The following NCOR2 variants were observed in gnomAD, a reference collection of about 807,000 sequenced individuals.
NCOR2 encodes the protein CTG repeat protein 26.
Under a neutral mutation model 262.9 loss-of-function variants are expected in NCOR2, and 81 were observed. That is an observed-to-expected ratio of 0.31 (90% CI 0.26 to 0.37). The LOEUF (loss-of-function observed/expected upper bound fraction) is 0.37, where lower values mean the gene tolerates loss of function less well. Ranked by LOEUF, NCOR2 falls within the 10% of genes least tolerant of loss-of-function variation. NCOR2 has a pLI of 1.00. For missense variants in NCOR2, 3,385 were observed against 3,621.4 expected (o/e 0.93, Z 1.68); for synonymous variants, 1,659 against 1,559.3 (o/e 1.06, Z -1.51).
intron 31 of NCOR2, among the ~76,000 whole-genome samples, chr12:124,345,344 C>G (rs912202564): frequency 6.6e-6 from 1 of 152,098 alleles, no homozygotes; most frequent in Non-Finnish European, 1.5e-5. Flanking sequence ...CAATGCCAAG[C>G]AGAAAAAGTC....
chr12:124,443,761 A>G lies in NCOR2; in HGVS notation c.816-5765T>C, dbSNP rs1227997158. Reference sequence around the variant, plus strand: ...CATGATCTGCCTGCCTCAGCCTCCCAAAGTGCTGGGATTACAGGTGTGAGC... The same window carrying G: ...CATGATCTGCCTGCCTCAGCCTCCCGAAGTGCTGGGATTACAGGTGTGAGC... On this transcript the variant is annotated intron_variant, in intron 7 of 46. Transcript: ENST00000405201. The surrounding 1 kb of genome is among the most constrained non-coding windows in gnomAD (Gnocchi z 4.4). Among the ~76,000 whole-genome samples the G allele has an allele frequency of 6.6e-6, 1 of 152,158 alleles. No homozygotes were observed. The highest frequency in any genetic ancestry group is 1.5e-5 in the Non-Finnish European group (1 of 68,030).
chr12:124,437,793 G>T, intron 8 of NCOR2, 137 bp downstream of exon 10: 2 of 794,144 alleles, frequency 2.5e-6, no homozygotes, highest in Non-Finnish European at 3.9e-6. Context: ...GCCGGCCTTG[G>T]CTTTTCCTCC....
At chr12:124,325,476 G>T in exon 47 of NCOR2, 1 of 1,367,862 alleles carries the variant, frequency 7.3e-7, no homozygotes, top group Non-Finnish European at 9.5e-7. Flanking sequence ...GCGTGGTGGG[G>T]GCCAGCGAGG....
chr12:124,370,691 T>C (rs1014219162), intron 20 of NCOR2, among the ~76,000 whole-genome samples: 16 of 152,168 alleles, frequency 1.1e-4, no homozygotes, highest in African/African-American at 2.9e-4. Flanking sequence ...GCTGGAGGCC[T>C]TGAGGCCCAA....
At chr12:124,372,794 C>G (rs1482166311) in intron 19 of NCOR2, among the ~76,000 whole-genome samples, 184 bp from the exon 22 acceptor site, 1 of 152,152 alleles carries the variant, frequency 6.6e-6, no homozygotes, top group African/African-American at 2.4e-5. Flanking sequence ...TGACCAGGCC[C>G]CTACCCACAG....
intron 1 of NCOR2, among the ~76,000 whole-genome samples, chr12:124,560,460 T>C (rs1163264233): frequency 6.6e-6 from 1 of 152,280 alleles, no homozygotes. Flanking sequence ...CATTCTCAGC[T>C]TGTGCACCAT....
chr12:124,388,835 C>T, intron 16 of NCOR2: 1 of 1,284,824 alleles, frequency 7.8e-7, no homozygotes, highest in Non-Finnish European at 1.0e-6. Flanking sequence ...GGCGGCTCAG[C>T]TCAGCCTCAC....
exon 4 of NCOR2, chr12:124,473,001 C>T (rs1245228716): frequency 2.5e-6 from 4 of 1,614,166 alleles, no homozygotes; most frequent in African/African-American, 1.3e-5. Flanking sequence ...GGTGATCTCT[C>T]GGTCCACGCG....
chr12:124,503,104 T>TA lies in NCOR2; in HGVS notation c.-117-7737_-117-7736insT, dbSNP rs2048835322. On this transcript the variant is annotated intron_variant, in intron 1 of 46. Coordinates refer to the NCOR2 transcript ENST00000404621. The surrounding 1 kb of genome is among the most constrained non-coding windows in gnomAD (Gnocchi z 4.3). The stretch of plus-strand genomic sequence containing the variant: ...CCACCCACAAGGGTGCGGTCTGCCC[T>TA]CCAGCTGAGACCAGGCAAGCCAAAC... Among the ~76,000 whole-genome samples, 1 of 152,226 alleles carries TA rather than the reference T, an allele frequency of 6.6e-6. No homozygotes were observed. The highest frequency in any genetic ancestry group is 1.5e-5 in the Non-Finnish European group (1 of 68,034).
At chr12:124,397,827 C>T (rs576688982) in intron 16 of NCOR2, among the ~76,000 whole-genome samples, 8 of 152,240 alleles carry the variant, frequency 5.3e-5, no homozygotes, top group Non-Finnish European at 1.2e-4. Flanking sequence ...ACAGAGGTCA[C>T]CCAGAAGCCA....
intron 33 of NCOR2, among the ~76,000 whole-genome samples, chr12:124,342,798 CCCA>C (rs1400507440): frequency 6.6e-6 from 1 of 152,196 alleles, no homozygotes; most frequent in African/African-American, 2.4e-5. Context: ...AATGTTTAAC[CCCA>C]CATGTCCTGC....
chr12:124,556,756 G>C (rs1446122724), intron 1 of NCOR2, among the ~76,000 whole-genome samples: 1 of 152,038 alleles, frequency 6.6e-6, no homozygotes, highest in African/African-American at 2.4e-5. Context: ...GCTGAGGCAG[G>C]AGAATCGCTT....
At chr12:124,357,332 T>C (rs1023930866) in intron 22 of NCOR2, among the ~76,000 whole-genome samples, 1 of 152,154 alleles carries the variant, frequency 6.6e-6, no homozygotes. Context: ...TGTTTTACTT[T>C]TGTAGAGATG....
At chr12:124,388,337 C>G (rs12366929) in intron 16 of NCOR2, among the ~76,000 whole-genome samples, 62,332 of 152,000 alleles carry the variant, frequency 0.41, 13,103 homozygotes, top group African/African-American at 0.45. Flanking sequence ...CAGGCAGAGG[C>G]TGCCAGGCAC....
intron 38 of NCOR2, chr12:124,336,481 G>T: frequency 1.6e-6 from 1 of 624,724 alleles, no homozygotes; most frequent in Non-Finnish European, 2.3e-6. Context: ...AGGCGCGGCC[G>T]GAGTAGTCGT....
At chr12:124,369,862 A>C (rs918930125) in intron 20 of NCOR2, among the ~76,000 whole-genome samples, 6 of 152,038 alleles carry the variant, frequency 3.9e-5, no homozygotes, top group Admixed American at 2.6e-4. Flanking sequence ...GGGAGGCTGC[A>C]AGTGCCCTGC....
At chr12:124,433,152 G>C (rs1453000331) in intron 8 of NCOR2, among the ~76,000 whole-genome samples, 3 of 152,210 alleles carry the variant, frequency 2.0e-5, no homozygotes, top group Non-Finnish European at 4.4e-5. Flanking sequence ...GCTGGTGCTG[G>C]GTGGCCCAGA....
At position 124,511,722 on chromosome 12, in the gene NCOR2, A is replaced by G. The variant is rs368489907; in HGVS notation, c.-117-16354T>C. On this transcript the variant is annotated intron_variant, in intron 1 of 46. Coordinates refer to the NCOR2 transcript ENST00000404621. ...GTCCAGACTCCCCGAATGGGGCTTC[A>G]TGCACTCCCAGGCACAAAGGGGTTC... 1.5e-3 allele frequency among the ~76,000 whole-genome samples: 223 copies of G among 152,174 alleles called. 1 individual carries two copies. Among genetic ancestry groups the G allele is most frequent in the African/African-American group, 5.2e-3 (216 of 41,510 alleles).
At chr12:124,328,177 C>T (rs2034855321) in intron 44 of NCOR2, among the ~76,000 whole-genome samples, 1 of 117,992 alleles carries the variant, frequency 8.5e-6, no homozygotes, top group Non-Finnish European at 1.8e-5. Flanking sequence ...ACCAGATGGT[C>T]CTCCCGCTGC....
Sources: gnomAD v4.1 joint callset for allele counts (sites outside exome capture counted in the v4.1 genomes callset) on GRCh38, gnomAD v4.1.1 for gene constraint, Gnocchi (gnomAD v3.1) non-coding constraint, MANE v1.5 for transcripts, NCBI Gene and HGNC (gene_info 2026-07-23, HGNC 2026-07-21) for gene names.